Variants in ATRX observed in about 807,000 individuals in gnomAD.
ATRX encodes the protein ATRX chromatin remodeler.
In ATRX, 12 loss-of-function variants were observed where a neutral mutation model predicts 172.6. The ratio of observed to expected loss-of-function variants is 0.07; its 90% CI spans 0.04 to 0.11. The LOEUF (loss-of-function observed/expected upper bound fraction) is 0.11. Ranked by LOEUF, ATRX falls within the 10% of genes least tolerant of loss-of-function variation. The probability of loss-of-function intolerance (pLI) is 1.00; values close to 1 mark genes in which losing one functional copy is unlikely to be tolerated. For synonymous variants in ATRX, 674 were observed against 594.7 expected, an observed-to-expected ratio of 1.13 and a Z score of -1.94; for missense variants, 1,368 against 1,767.4, an observed-to-expected ratio of 0.77 and a Z score of 4.05.
chrX:77,705,067 G>GGTGGCT (rs1462325962), intron 2 of ATRX, among the ~76,000 whole-genome samples: 1 of 111,147 alleles, frequency 9.0e-6, no homozygotes, highest in Admixed American at 9.4e-5. Context: ...CCATGGTTTG[G>GGTGGCT]GTGGCTGCGG....
At chrX:77,637,828 C>A (rs1471211002) in intron 15 of ATRX, among the ~76,000 whole-genome samples, 3 of 105,273 alleles carry the variant, frequency 2.8e-5, no homozygotes, top group Non-Finnish European at 3.9e-5. Context: ...GTAATCCCAG[C>A]TACTCTGGAG....
chrX:77,710,933 AACACACACACAC>A (rs145847838), intron 2 of ATRX, among the ~76,000 whole-genome samples: 3 of 97,911 alleles, frequency 3.1e-5, no homozygotes, highest in Admixed American at 1.2e-4. Context: ...ATAGAACTTT[AACACACACACAC>A]ACACACACAC....
chrX:77,615,513 T>A (rs781965831), intron 22 of ATRX, among the ~76,000 whole-genome samples: 1 of 111,911 alleles, frequency 8.9e-6, no homozygotes, highest in Non-Finnish European at 1.9e-5. Context: ...GTTATTTAAT[T>A]ATGCCTGCAA....
At chrX:77,665,851 T>C (rs1773653642) in intron 10 of ATRX, among the ~76,000 whole-genome samples, 1 of 111,942 alleles carries the variant, frequency 8.9e-6, no homozygotes, top group African/African-American at 3.2e-5. Context: ...TTCTCTGCAA[T>C]CAAGACTGAC....
chrX:77,604,088 A>G (rs1420743873), intron 22 of ATRX, among the ~76,000 whole-genome samples: 1 of 112,471 alleles, frequency 8.9e-6, no homozygotes, highest in Admixed American at 9.4e-5. Context: ...ATCATTCTGG[A>G]CATTGGCCTA....
chrX:77,552,634 T>C (rs964016105), intron 30 of ATRX, among the ~76,000 whole-genome samples: 6 of 111,277 alleles, frequency 5.4e-5, no homozygotes, highest in Admixed American at 9.6e-5. Context: ...GTGCCAAGCA[T>C]TGCATTATTC....
chrX:77,766,844 C>T (rs1355739895), intron 1 of ATRX, among the ~76,000 whole-genome samples: 1 of 111,886 alleles, frequency 8.9e-6, no homozygotes, highest in African/African-American at 3.2e-5. Flanking sequence ...GCTGCAATCT[C>T]GGCACTTTGG....
chrX:77,504,983 A>T lies in ATRX; in HGVS notation c.*3368T>A, dbSNP rs993647211. 5 of 164,351 alleles carry T rather than the reference A, an allele frequency of 3.0e-5. No homozygotes were observed. Among genetic ancestry groups the T allele is most frequent in the Non-Finnish European group, 4.7e-5 (4 of 85,375 alleles). 13.5% of individuals were successfully genotyped at this position (164,351 alleles called of 1,213,427 possible). ...TTGATCACTCCTTTGGGACTGGCTC[A>T]GATTATAGACTTGAAAAAAAATAAC... On this transcript the variant is annotated 3_prime_UTR_variant, in exon 35 of 35. Transcript: ENST00000373344.
chrX:77,782,946 G>A (rs1446169429), intron 1 of ATRX, among the ~76,000 whole-genome samples: 4 of 107,677 alleles, frequency 3.7e-5, no homozygotes, highest in Non-Finnish European at 7.7e-5. Flanking sequence ...TGAATAACCA[G>A]CAGAGAGCCA....
rs549300148 is a variant in ATRX at position 77,589,068 on chromosome X, G to A, written c.6217+766C>T. On this transcript the variant is annotated intron_variant, in intron 27 of 34. Coordinates refer to ENST00000373344, the MANE Select transcript of ATRX (RefSeq NM_000489.6). ...GTGTAGAAAACAGTTTGGTATTGCCGTTTGTTTAAATAAATGAAAACCTGT... is the reference window on the plus strand; with the variant it reads ...GTGTAGAAAACAGTTTGGTATTGCCATTTGTTTAAATAAATGAAAACCTGT... 3.0e-4 allele frequency among the ~76,000 whole-genome samples: 34 copies of A among 112,383 alleles called. No individual in the cohort carries two copies. In the South Asian group the frequency reaches 3.6e-3, roughly 12 times the overall value.
At chrX:77,531,294 T>C (rs1841008176) in intron 30 of ATRX, among the ~76,000 whole-genome samples, 1 of 111,967 alleles carries the variant, frequency 8.9e-6, no homozygotes, top group African/African-American at 3.2e-5. Flanking sequence ...ATCATCCTGA[T>C]ATGAAAACCT....
At chrX:77,767,496 A>G (rs1364417421) in intron 1 of ATRX, among the ~76,000 whole-genome samples, 1 of 109,905 alleles carries the variant, frequency 9.1e-6, no homozygotes, top group Non-Finnish European at 1.9e-5. Context: ...CCTGGGTTCA[A>G]GCAATTCTCT....
intron 1 of ATRX, among the ~76,000 whole-genome samples, chrX:77,724,720 C>T (rs1251179389): frequency 4.5e-5 from 5 of 111,614 alleles, no homozygotes; most frequent in African/African-American, 1.6e-4. Flanking sequence ...ATGAGAGTTC[C>T]CAACATATCA....
At chrX:77,778,577 T>C (rs781956428) in intron 1 of ATRX, among the ~76,000 whole-genome samples, 72 of 108,762 alleles carry the variant, frequency 6.6e-4, no homozygotes, top group Non-Finnish European at 9.4e-4. Context: ...AAAAATTAGC[T>C]AGGCATGGTG....
At position 77,522,263 on chromosome X, in the gene ATRX, C is replaced by T. The variant is rs2147747709; in HGVS notation, c.6975G>A (p.Glu2325=). Residue 2325 remains glutamate, a splice_region_variant and synonymous_variant, in exon 32 of 35, where the codon GAG becomes GAA. Coordinates refer to ENST00000373344, the MANE Select transcript of ATRX (RefSeq NM_000489.6). The stretch of plus-strand genomic sequence containing the variant: ...ACTACTTTTGTACTTCACAACTCAC[C>T]TCCAGCTGTTGATTACTCATTGCTG... ...ALSAMSNQQL[E]DLINQGREKV... is the part of the protein sequence containing the mutation. The T allele has an allele frequency of 8.3e-7, 1 of 1,210,893 alleles. No homozygotes were observed. Among genetic ancestry groups the T allele is most frequent in the Non-Finnish European group, 1.1e-6 (1 of 894,792 alleles).
intron 25 of ATRX, chrX:77,594,284 C>T (rs1027298320): frequency 2.7e-5 from 3 of 112,896 alleles, no homozygotes; most frequent in African/African-American, 6.5e-5. Flanking sequence ...TCAGTTACCA[C>T]GAGAGAAAAG....
intron 20 of ATRX, among the ~76,000 whole-genome samples, chrX:77,619,812 A>G (rs968610380): frequency 5.3e-5 from 6 of 112,199 alleles, no homozygotes. Context: ...GTGAGAGATT[A>G]TAACAGGAAA....
At chrX:77,639,594 TA>T (rs1303955588) in intron 15 of ATRX, among the ~76,000 whole-genome samples, 3 of 111,321 alleles carry the variant, frequency 2.7e-5, no homozygotes, top group African/African-American at 9.8e-5. Context: ...AATGCCACAA[TA>T]AAAAAAACTA....
At chrX:77,785,802 C>A in intron 1 of ATRX, 180 bp downstream of exon 1, 1 of 594,538 alleles carries the variant, frequency 1.7e-6, no homozygotes, top group Non-Finnish European at 2.0e-6. Flanking sequence ...CCCACCCCCA[C>A]CCCCGTCGGA....
Sources: gnomAD v4.1 joint callset for allele counts (sites outside exome capture counted in the v4.1 genomes callset) on GRCh38, gnomAD v4.1.1 for gene constraint, MANE v1.5 for transcripts, NCBI Gene and HGNC (gene_info 2026-07-23, HGNC 2026-07-21) for gene names.